Variants in SEPHS1 observed in about 807,000 individuals in gnomAD.
The protein encoded by SEPHS1 is selenophosphate synthetase 1, also known as zincore component SEPHS1.
SEPHS1 carries 7 observed loss-of-function variants against 39.2 expected under a neutral mutation model. That is an observed-to-expected ratio of 0.18 (90% CI 0.10 to 0.34). SEPHS1 has a LOEUF of 0.34. Ranked by LOEUF, SEPHS1 falls within the 10% of genes least tolerant of loss-of-function variation. The pLI, the probability that SEPHS1 is intolerant of heterozygous loss-of-function variation, is 1.00. For synonymous variants in SEPHS1, 190 were observed against 195.5 expected (o/e 0.97, Z 0.23); for missense variants, 253 against 514.5 (o/e 0.49, Z 4.92).
chr10:13,320,382 C>T (rs200255077), intron 8 of SEPHS1, among the ~76,000 whole-genome samples: 63 of 151,796 alleles, frequency 4.2e-4, no homozygotes, highest in East Asian at 2.0e-3. Context: ...AGGGTTTCAC[C>T]GTGTTAGCCA....
intron 7 of SEPHS1, among the ~76,000 whole-genome samples, chr10:13,327,240 C>CAAAAAAAA (rs34788028): frequency 3.6e-5 from 3 of 82,800 alleles, no homozygotes; most frequent in African/African-American, 5.3e-5. Context: ...GATTCTGTCT[C>CAAAAAAAA]AAAAAAAAAA....
At chr10:13,320,091 G>T (rs1360360571) in intron 8 of SEPHS1, among the ~76,000 whole-genome samples, 1 of 152,032 alleles carries the variant, frequency 6.6e-6, no homozygotes, top group African/African-American at 2.4e-5. Context: ...AAGTATCTAG[G>T]TTCCAGTCAT....
intron 4 of SEPHS1, among the ~76,000 whole-genome samples, chr10:13,335,497 C>T (rs945830488): frequency 5.9e-5 from 9 of 151,802 alleles, no homozygotes; most frequent in Non-Finnish European, 1.3e-4. Context: ...AACCCCATCT[C>T]TACTGAAAAT....
intron 2 of SEPHS1, among the ~76,000 whole-genome samples, chr10:13,339,845 C>T (rs1833737947): frequency 6.6e-6 from 1 of 152,176 alleles, no homozygotes; most frequent in African/African-American, 2.4e-5. Flanking sequence ...AAAAAAAAGT[C>T]TGTGCATGTT....
chr10:13,337,159 C>CAA (rs113227904), intron 3 of SEPHS1, among the ~76,000 whole-genome samples: 1 of 140,452 alleles, frequency 7.1e-6, no homozygotes, highest in African/African-American at 2.6e-5. Flanking sequence ...TAAACAACAA[C>CAA]AAAAAAAAAA....
chr10:13,335,980 C>CAAAAA (rs1266329760), intron 4 of SEPHS1, among the ~76,000 whole-genome samples: 1 of 93,462 alleles, frequency 1.1e-5, no homozygotes, highest in East Asian at 2.9e-4. Flanking sequence ...ACTCCTGTCT[C>CAAAAA]AAAAAAAAAA....
chr10:13,347,207 G>A (rs1333150759), intron 1 of SEPHS1: 1 of 151,534 alleles, frequency 6.6e-6, no homozygotes, highest in African/African-American at 2.4e-5. Context: ...TTCTTCCAAC[G>A]AGCGTGGGGA....
intron 8 of SEPHS1, among the ~76,000 whole-genome samples, 153 bp downstream of exon 8, chr10:13,322,682 G>A (rs1833151048): frequency 1.3e-5 from 2 of 152,268 alleles, no homozygotes; most frequent in South Asian, 4.2e-4. Flanking sequence ...GACCCACCGG[G>A]AGGAGGAAAG....
intron 3 of SEPHS1, among the ~76,000 whole-genome samples, chr10:13,336,995 A>G (rs943383607): frequency 9.2e-5 from 14 of 152,338 alleles, no homozygotes; most frequent in Admixed American, 9.1e-4. Context: ...TACTAAAAAT[A>G]TAAAAATTAG....
chr10:13,333,739 CTT>C, intron 5 of SEPHS1, 76 bp downstream of exon 5: 1 of 1,486,986 alleles, frequency 6.7e-7, no homozygotes, highest in Non-Finnish European at 9.3e-7. Flanking sequence ...TGCACCTGAC[CTT>C]AATACATCAA....
intron 8 of SEPHS1, among the ~76,000 whole-genome samples, chr10:13,320,805 G>A (rs185446528): frequency 1.3e-5 from 2 of 152,240 alleles, no homozygotes; most frequent in East Asian, 1.9e-4. Context: ...TCCAGCCTGG[G>A]TGACAAGAGG....
intron 4 of SEPHS1, 129 bp downstream of exon 4, chr10:13,336,114 C>G: frequency 1.7e-6 from 1 of 582,058 alleles, no homozygotes; most frequent in South Asian, 2.5e-5. Context: ...AAGTGGAGAG[C>G]CAGAAGGAGT....
At position 13,319,163 on chromosome 10, in the gene SEPHS1, G is replaced by A; in HGVS notation, c.1158C>T (p.Pro386=). The change falls in exon 9 of 9, where the codon CCC becomes CCT. Residue 386 remains proline (P), a synonymous_variant. Coordinates refer to ENST00000327347, the MANE Select transcript of SEPHS1 (RefSeq NM_012247.5). The part of the protein sequence containing the change: ...APQVATQNVN[P]TPGATS ...TAGATTAAGAGGTGGCCCCGGGTGT[G>A]GGATTCACATTTTGAGTGGCCACTT... 6.2e-7 allele frequency: 1 copy of A among 1,613,024 alleles called. No individual in the cohort carries two copies. Among genetic ancestry groups the A allele is most frequent in the Non-Finnish European group, 8.5e-7 (1 of 1,179,688 alleles).
rs958601983 is a variant in SEPHS1 at position 13,317,627 on chromosome 10, T to A, written c.*1515A>T. On this transcript the variant is annotated 3_prime_UTR_variant, in exon 9 of 9. Coordinates refer to ENST00000327347, the MANE Select transcript of SEPHS1 (RefSeq NM_012247.5). ...GAAGGCTGCCCTGCCCACTGGTTCC[T>A]GGAGGAGGGCGCGTCCGAGTTAAAG... 1 of 152,250 alleles carries A rather than the reference T, an allele frequency of 6.6e-6. No homozygotes were observed. Among genetic ancestry groups the A allele is most frequent in the Admixed American group, 6.5e-5 (1 of 15,276 alleles). 9.4% of individuals were successfully genotyped at this position (152,250 alleles called of 1,614,324 possible). A position where few individuals can be genotyped will look rare whatever the true frequency, so the allele number is the denominator to read the frequency against.
chr10:13,323,423 C>T (rs915953092), intron 7 of SEPHS1, among the ~76,000 whole-genome samples: 3 of 151,978 alleles, frequency 2.0e-5, no homozygotes, highest in Admixed American at 6.5e-5. Flanking sequence ...CGTACGATCT[C>T]GGCTCACTGC....
chr10:13,343,744 G>A (rs1310161837), intron 2 of SEPHS1, among the ~76,000 whole-genome samples: 2 of 152,106 alleles, frequency 1.3e-5, no homozygotes, highest in Non-Finnish European at 2.9e-5. Context: ...AACCCAGGAG[G>A]CAGAGGTTGC....
intron 4 of SEPHS1, among the ~76,000 whole-genome samples, chr10:13,334,547 C>CA (rs879583941): frequency 8.0e-4 from 114 of 142,470 alleles, no homozygotes; most frequent in Non-Finnish European, 1.2e-3. Context: ...ATCTCAAAAA[C>CA]AAAAAAAAAA....
intron 2 of SEPHS1, among the ~76,000 whole-genome samples, chr10:13,343,148 A>C (rs1480684742): frequency 6.6e-6 from 1 of 152,210 alleles, no homozygotes; most frequent in Non-Finnish European, 1.5e-5. Flanking sequence ...GAAGTTATAA[A>C]TAGTAATTCT....
At position 13,318,543 on chromosome 10, in the gene SEPHS1, T is replaced by C. The variant is rs564057561; in HGVS notation, c.*599A>G. The C allele has an allele frequency of 3.3e-5, 5 of 152,692 alleles. No individual in the cohort carries two copies. The East Asian group carries it at 7.7e-4, about 24-fold the overall frequency. 9.5% of individuals were successfully genotyped at this position (152,692 alleles called of 1,614,324 possible). A position where few individuals can be genotyped will look rare whatever the true frequency, so the allele number is the denominator to read the frequency against. On this transcript the variant is annotated 3_prime_UTR_variant, in exon 9 of 9. Transcript: ENST00000327347. ...GATTTCTTTTTTGTCTTCAAAGTGTTTTCCATGCAATGAAGCACTTGCTGT... is the reference window on the plus strand; with the variant it reads ...GATTTCTTTTTTGTCTTCAAAGTGTCTTCCATGCAATGAAGCACTTGCTGT...
Sources: allele counts gnomAD v4.1 joint callset (sites outside exome capture counted in the v4.1 genomes callset), GRCh38; gene constraint gnomAD v4.1.1; transcripts MANE v1.5; gene names NCBI Gene and HGNC (gene_info 2026-07-23, HGNC 2026-07-21).